The following KCTD1 variants were observed in gnomAD, a reference collection of about 807,000 sequenced individuals.
KCTD1 encodes the protein BTB/POZ domain-containing protein KCTD1.
KCTD1 carries 24 observed loss-of-function variants against 66.0 expected under a neutral mutation model. The ratio of observed to expected loss-of-function variants is 0.36; its 90% CI spans 0.26 to 0.51. KCTD1 has a LOEUF of 0.51. Ranked by LOEUF, KCTD1 falls within the 20% of genes least tolerant of loss-of-function variation. KCTD1 has a pLI of 0.95. For synonymous variants in KCTD1, 511 were observed against 517.2 expected, an observed-to-expected ratio of 0.99 and a Z score of 0.16; for missense variants, 943 against 1,205.2, an observed-to-expected ratio of 0.78 and a Z score of 3.22.
At chr18:26,656,219 C>A (rs895652322) in intron 1 of KCTD1, among the ~76,000 whole-genome samples, 8 of 152,124 alleles carry the variant, frequency 5.3e-5, no homozygotes, top group African/African-American at 1.9e-4. Flanking sequence ...AGGATGCGGG[C>A]TCCTGACTTG....
intron 2 of KCTD1, among the ~76,000 whole-genome samples, chr18:26,497,061 T>C (rs935586598): frequency 2.0e-5 from 3 of 152,170 alleles, no homozygotes; most frequent in Non-Finnish European, 2.9e-5. Flanking sequence ...ATAGTACTTT[T>C]TGGGGACAAA....
chr18:26,576,601 C>T (rs1265792858), intron 1 of KCTD1, among the ~76,000 whole-genome samples: 2 of 152,170 alleles, frequency 1.3e-5, no homozygotes. Context: ...CTGTTTTCAT[C>T]GTTCCTCATC....
chr18:26,606,655 C>T (rs1394572339), intron 1 of KCTD1, among the ~76,000 whole-genome samples: 1 of 152,218 alleles, frequency 6.6e-6, no homozygotes, highest in African/African-American at 2.4e-5. Context: ...CAGTGCTGCA[C>T]ATCATCCCAG....
At chr18:26,498,354 A>T (rs937301731) in intron 2 of KCTD1, among the ~76,000 whole-genome samples, 3 of 151,710 alleles carry the variant, frequency 2.0e-5, no homozygotes, top group African/African-American at 7.3e-5. Flanking sequence ...TATGTATTTC[A>T]GTATCAGGTT....
chr18:26,535,142 G>A (rs1234957165), intron 1 of KCTD1, among the ~76,000 whole-genome samples: 1 of 151,212 alleles, frequency 6.6e-6, no homozygotes, highest in African/African-American at 2.4e-5. Context: ...CCTGTGCCAA[G>A]AGGTAAACCC....
At chr18:26,482,200 C>T (rs1467246712) in intron 2 of KCTD1, among the ~76,000 whole-genome samples, 2 of 152,214 alleles carry the variant, frequency 1.3e-5, no homozygotes, top group African/African-American at 2.4e-5. Context: ...CCAGTTACTA[C>T]TCATTGAATA....
chr18:26,496,764 A>ACACG (rs1435385870), intron 2 of KCTD1, among the ~76,000 whole-genome samples: 3 of 151,848 alleles, frequency 2.0e-5, no homozygotes, highest in Non-Finnish European at 2.9e-5. Context: ...ACACACACAC[A>ACACG]CACGCATTGG....
chr18:26,572,933 G>T (rs7237948), intron 1 of KCTD1, among the ~76,000 whole-genome samples: 149,455 of 152,236 alleles, frequency 0.98, 73,431 homozygotes, highest in Middle Eastern at 1. Flanking sequence ...ATATTAAGTA[G>T]ACAACTAAGT....
chr18:26,624,843 G>A (rs1987464505), intron 1 of KCTD1, among the ~76,000 whole-genome samples: 1 of 152,188 alleles, frequency 6.6e-6, no homozygotes, highest in Admixed American at 6.5e-5. Flanking sequence ...GACATTCAAT[G>A]CTAGCCCATG....
chr18:26,601,747 C>T (rs1986904692), intron 1 of KCTD1, among the ~76,000 whole-genome samples: 1 of 151,880 alleles, frequency 6.6e-6, no homozygotes, highest in Non-Finnish European at 1.5e-5. Flanking sequence ...AACTTTATTC[C>T]TAGATTTTTT....
chr18:26,487,934 G>A (rs1202758893), intron 2 of KCTD1, among the ~76,000 whole-genome samples: 2 of 152,172 alleles, frequency 1.3e-5, no homozygotes, highest in Non-Finnish European at 2.9e-5. Flanking sequence ...AGATGATCAT[G>A]TACAGGCATT....
chr18:26,511,800 T>C (rs2144715418), intron 1 of KCTD1, among the ~76,000 whole-genome samples: 1 of 152,278 alleles, frequency 6.6e-6, no homozygotes, highest in Non-Finnish European at 1.5e-5. Context: ...CCTTGTTCCT[T>C]TCACCCTGTC....
Position 26,547,425 on chromosome 18 carries a change from T to C in KCTD1, c.1112A>G (p.Asp371Gly). 1 of 1,551,312 alleles carries C rather than the reference T, an allele frequency of 6.4e-7. No homozygotes were observed. Among genetic ancestry groups the C allele is most frequent in the Non-Finnish European group, 8.7e-7 (1 of 1,146,800 alleles). Residue 371 changes from aspartate (D) to glycine (G), a missense_variant, in exon 1 of 5, where the codon GAC (aspartate) becomes GGC (glycine). Transcript: ENST00000580059. ...SWSKKRAESS[D>G]EENLPRMYET... ...ATACATGCGGGGCAAGTTCTCCTCGTCGCTGCTCTCGGCGCGCTTCTTGCT... is the reference window on the plus strand; with the variant it reads ...ATACATGCGGGGCAAGTTCTCCTCGCCGCTGCTCTCGGCGCGCTTCTTGCT...
At chr18:26,635,417 A>G (rs1438426286) in intron 1 of KCTD1, among the ~76,000 whole-genome samples, 2 of 152,260 alleles carry the variant, frequency 1.3e-5, no homozygotes, top group Admixed American at 1.3e-4. Flanking sequence ...TGGATAAGCA[A>G]GTTGAATCCC....
At chr18:26,548,591 A>G (rs1361385723), upstream of KCTD1, 3 of 1,196,206 alleles carry the variant, frequency 2.5e-6, no homozygotes, top group Non-Finnish European at 3.1e-6. Flanking sequence ...ATTGGACCGC[A>G]GCGCTGAGAG....
At chr18:26,608,572 C>T (rs1427043017) in intron 1 of KCTD1, among the ~76,000 whole-genome samples, 1 of 152,198 alleles carries the variant, frequency 6.6e-6, no homozygotes, top group Non-Finnish European at 1.5e-5. Flanking sequence ...CCATATGGGG[C>T]AGGGTCGGTG....
intron 1 of KCTD1, among the ~76,000 whole-genome samples, chr18:26,572,850 G>GA (rs1043858374): frequency 6.6e-6 from 1 of 152,094 alleles, no homozygotes; most frequent in African/African-American, 2.4e-5. Flanking sequence ...TGTAGGAGTT[G>GA]AAAAAATGCT....
At chr18:26,570,184 T>TAAAAAA (rs10648043) in intron 1 of KCTD1, among the ~76,000 whole-genome samples, 21 of 120,902 alleles carry the variant, frequency 1.7e-4, no homozygotes, top group African/African-American at 4.4e-4. Flanking sequence ...AGACTCCATC[T>TAAAAAA]AAAAAAAATA....
In KCTD1 at chr18:26,493,111, T is replaced by C. The variant is rs535768682; in HGVS notation, c.1988+7961A>G. Among the ~76,000 whole-genome samples the C allele has an allele frequency of 1.6e-4, 25 of 152,246 alleles. No individual in the cohort carries two copies. The South Asian group carries it at 5.2e-3, about 32-fold the overall frequency. ...TGAAACCTCCCTTCCAGGGAGAGGG[T>C]TTCTGTCTATGATGAGACTGAGTTT... On this transcript the variant is annotated intron_variant, in intron 2 of 4. Coordinates refer to ENST00000580059, the MANE Select transcript of KCTD1 (RefSeq NM_001142730.3).
Sources: allele counts gnomAD v4.1 joint callset (sites outside exome capture counted in the v4.1 genomes callset), GRCh38; gene constraint gnomAD v4.1.1; transcripts MANE v1.5; gene names NCBI Gene and HGNC (gene_info 2026-07-23, HGNC 2026-07-21).